The following MAP3K14 variants were observed in gnomAD, a reference collection of about 807,000 sequenced individuals.
The protein encoded by MAP3K14 is NF-kappa-beta-inducing kinase.
A neutral mutation model predicts 99.2 loss-of-function variants in MAP3K14; 16 were observed. The observed-to-expected ratio is 0.16, with a 90% CI of 0.11 to 0.24. The LOEUF (loss-of-function observed/expected upper bound fraction) is 0.24, where lower values mean the gene tolerates loss of function less well. Ranked by LOEUF, MAP3K14 falls within the 10% of genes least tolerant of loss-of-function variation. The pLI is 1.00. For missense variants in MAP3K14, 784 were observed against 1,208.7 expected (o/e 0.65, Z 5.21); for synonymous variants, 462 against 492.4 (o/e 0.94, Z 0.82).
chr17:45,306,884 A>G (rs1370930641), intron 1 of MAP3K14, among the ~76,000 whole-genome samples: 1 of 152,244 alleles, frequency 6.6e-6, no homozygotes, highest in East Asian at 1.9e-4. Context: ...CGGGCAAGGT[A>G]GTATTGAGAT....
chr17:45,282,068 T>G (rs1434861757), intron 6 of MAP3K14: 1 of 152,174 alleles, frequency 6.6e-6, no homozygotes, highest in Non-Finnish European at 1.5e-5. Context: ...TTGACAGATA[T>G]CTTTTTAGAC....
chr17:45,300,493 G>C (rs2044378876), intron 1 of MAP3K14, among the ~76,000 whole-genome samples: 1 of 152,194 alleles, frequency 6.6e-6, no homozygotes, highest in Admixed American at 6.5e-5. Flanking sequence ...TGGCCAGTCT[G>C]ATCTCTCTAC....
chr17:45,293,752 G>C (rs913187962), intron 1 of MAP3K14, among the ~76,000 whole-genome samples: 1 of 152,152 alleles, frequency 6.6e-6, no homozygotes, highest in Non-Finnish European at 1.5e-5. Context: ...CCAAGTTCAA[G>C]AGGCTATTCT....
chr17:45,266,993 G>T, intron 13 of MAP3K14, 99 bp downstream of exon 13: 2 of 909,082 alleles, frequency 2.2e-6, no homozygotes, highest in Non-Finnish European at 3.5e-6. Flanking sequence ...TACTTGCACA[G>T]TGTCCATTCA....
At chr17:45,264,932 A>ATC in intron 15 of MAP3K14, 132 bp from the exon 16 acceptor site, 1 of 1,008,982 alleles carries the variant, frequency 9.9e-7, no homozygotes, top group South Asian at 1.6e-5. Flanking sequence ...CACGGGACTC[A>ATC]GAGAATCCCA....
intron 6 of MAP3K14, among the ~76,000 whole-genome samples, chr17:45,276,152 T>C (rs1399409443): frequency 1.3e-5 from 2 of 152,162 alleles, no homozygotes; most frequent in Non-Finnish European, 2.9e-5. Context: ...TCTGGGAACT[T>C]AAGGAGGCTT....
chr17:45,297,674 G>A (rs2044355939), intron 1 of MAP3K14, among the ~76,000 whole-genome samples: 1 of 151,548 alleles, frequency 6.6e-6, no homozygotes, highest in African/African-American at 2.4e-5. Context: ...CAATATGTTG[G>A]TCAATTTAAT....
intron 1 of MAP3K14, among the ~76,000 whole-genome samples, chr17:45,305,396 G>GTTTT (rs35851298): frequency 4.4e-5 from 5 of 113,948 alleles, no homozygotes; most frequent in Admixed American, 9.2e-5. Context: ...GCGCCCGGCC[G>GTTTT]TTTTTTTTTT....
In MAP3K14 at chr17:45,309,232, G is replaced by A. The variant is rs149515617; in HGVS notation, c.-21+7728C>T. Reference sequence around the variant, plus strand: ...AGCTCCCGCTCCAAGCTGACAAGTGGTACAAGACCCCAGGGTGAGAGAAAT... The same window carrying A: ...AGCTCCCGCTCCAAGCTGACAAGTGATACAAGACCCCAGGGTGAGAGAAAT... On this transcript the variant is annotated intron_variant, in intron 1 of 15. Transcript: ENST00000344686. Among the ~76,000 whole-genome samples, 369 of 152,338 alleles carry A rather than the reference G, an allele frequency of 2.4e-3. 1 individual carries two copies. The highest frequency in any genetic ancestry group is 8.4e-3 in the African/African-American group (349 of 41,570).
Position 45,274,259 on chromosome 17 carries a change from G to A in MAP3K14, c.1421-5C>T, listed in dbSNP as rs909311401. 1.2e-5 allele frequency: 19 copies of A among 1,599,472 alleles called. No individual in the cohort carries two copies. The highest frequency in any genetic ancestry group is 1.5e-5 in the Non-Finnish European group (18 of 1,172,894). On this transcript the variant is annotated splice_region_variant and splice_polypyrimidine_tract_variant and intron_variant, in intron 7 of 15. Transcript: ENST00000344686. ...CCAGCTGGCCCAGGGAGCCACCTAG[G>A]AGACCAAAGGCCAGGCTATACATGG...
At position 45,272,542 on chromosome 17, in the gene MAP3K14, T is replaced by A. The variant is rs1332956751; in HGVS notation, c.1657+961A>T. 1.3e-5 allele frequency among the ~76,000 whole-genome samples: 2 copies of A among 152,194 alleles called. No homozygotes were observed. The highest frequency in any genetic ancestry group is 2.4e-5 in the African/African-American group (1 of 41,450). ...TTTCCGTTGGTCAAAATGAAATCATTTTATCCTTAAGGCTATACATGAAAA... is the reference window on the plus strand; with the variant it reads ...TTTCCGTTGGTCAAAATGAAATCATATTATCCTTAAGGCTATACATGAAAA... On this transcript the variant is annotated intron_variant, in intron 9 of 15. Coordinates refer to ENST00000344686, the MANE Select transcript of MAP3K14 (RefSeq NM_003954.5). This position sits in a 1 kb window ranked among gnomAD's most constrained non-coding sequence, Gnocchi z 4.1.
chr17:45,268,974 T>G (rs1168218102), intron 11 of MAP3K14, among the ~76,000 whole-genome samples: 1 of 152,074 alleles, frequency 6.6e-6, no homozygotes, highest in Non-Finnish European at 1.5e-5. Flanking sequence ...TCCCACCAAC[T>G]TTCTGCTTTT....
intron 6 of MAP3K14, among the ~76,000 whole-genome samples, chr17:45,283,752 G>GGAGTGTCTCT (rs1254344299): frequency 6.6e-6 from 1 of 152,200 alleles, no homozygotes; most frequent in African/African-American, 2.4e-5. Context: ...TTCGGGGATT[G>GGAGTGTCTCT]GAGTGTCTCT....
intron 3 of MAP3K14, among the ~76,000 whole-genome samples, chr17:45,288,524 T>A (rs1318537899): frequency 6.6e-6 from 1 of 152,076 alleles, no homozygotes; most frequent in Non-Finnish European, 1.5e-5. Flanking sequence ...GTTACAGGCA[T>A]GCGCTACCAT....
chr17:45,285,960 C>T (rs1323293307), intron 5 of MAP3K14, among the ~76,000 whole-genome samples: 1 of 113,542 alleles, frequency 8.8e-6, no homozygotes, highest in Non-Finnish European at 1.8e-5. Flanking sequence ...TCAAAAAACA[C>T]ATTTATTAAA....
chr17:45,273,509 G>C lies in MAP3K14; in HGVS notation c.1651C>G (p.Leu551Val), dbSNP rs781104363. The change falls in exon 9 of 16, where the codon CTC becomes GTC. Residue 551 changes from leucine (L) to valine (V), a missense_variant. This residue lies in a region of MAP3K14 where 200 missense variants were observed against 367.9 expected (regional missense o/e 0.54). Coordinates refer to ENST00000344686, the MANE Select transcript of MAP3K14 (RefSeq NM_003954.5). The stretch of plus-strand genomic sequence containing the variant: ...AGTTGGTGGGGGGCCTTACCTGTGA[G>C]CAAGGACTTTCCCAGGCCATCAGGT... ...LQPDGLGKSL[L>V]TGDYIPGTET... is the part of the protein sequence containing the mutation. 3.3e-5 allele frequency: 53 copies of C among 1,610,228 alleles called. No individual in the cohort carries two copies. The highest frequency in any genetic ancestry group is 4.3e-5 in the Non-Finnish European group (51 of 1,177,596).
Position 45,287,295 on chromosome 17 carries a change from C to T in MAP3K14, c.396G>A (p.Val132=), listed in dbSNP as rs749912172. Residue 132 remains valine (V), a synonymous_variant, in exon 4 of 16, where the codon GTG becomes GTA. Coordinates refer to ENST00000344686, the MANE Select transcript of MAP3K14 (RefSeq NM_003954.5). ...AHATEGKMAR[V]CWKGKRRSKA... is the part of the protein sequence containing the mutation. ...TGCTGCGACGCTTTCCCTTCCAACA[C>T]ACACGGGCCATTTTGCCCTCTGTAG... 6.2e-7 allele frequency: 1 copy of T among 1,614,050 alleles called. No individual in the cohort carries two copies. The highest frequency in any genetic ancestry group is 2.2e-5 in the East Asian group (1 of 44,876).
rs115380342 is a variant in MAP3K14, at chr17:45,310,966, G to A, written c.-21+5994C>T. ...GCCTGGCAGAGCTTGCAGAAAGGCT[G>A]AGAGTGATAGGGTTGTGGTAGGGGA... is the stretch of plus-strand genomic sequence containing the variant. On this transcript the variant is annotated intron_variant, in intron 1 of 15. Transcript: ENST00000344686. Among the ~76,000 whole-genome samples the A allele has an allele frequency of 8.9e-4, 135 of 152,270 alleles. 1 individual carries two copies. Among genetic ancestry groups the A allele is most frequent in the African/African-American group, 3.0e-3 (126 of 41,542 alleles).
Position 45,287,196 on chromosome 17 carries a change from G to A in MAP3K14, c.495C>T (p.Leu165=). ...AGCTCTCCTGCTCAGGGGTCCTGGG[G>A]AGGGGTTTGGCCAAGGCCACTCCTG... ...AHAGVALAKP[L]PRTPEQESCT... Residue 165 remains leucine, a synonymous_variant, in exon 4 of 16, where the codon CTC becomes CTT. Coordinates refer to ENST00000344686, the MANE Select transcript of MAP3K14 (RefSeq NM_003954.5). 8 of 1,613,990 alleles carry A rather than the reference G, an allele frequency of 5.0e-6. No individual in the cohort carries two copies. The highest frequency in any genetic ancestry group is 6.8e-6 in the Non-Finnish European group (8 of 1,179,866).
Sources: allele counts gnomAD v4.1 joint callset (sites outside exome capture counted in the v4.1 genomes callset), GRCh38; gene constraint gnomAD v4.1.1; regional missense constraint gnomAD v4.1.1; non-coding constraint Gnocchi (gnomAD v3.1); transcripts MANE v1.5; gene names NCBI Gene and HGNC (gene_info 2026-07-23, HGNC 2026-07-21).